The following SH3GLB1 variants were observed in gnomAD, a reference collection of about 807,000 sequenced individuals.
SH3GLB1 encodes the protein SH3 domain containing GRB2 like, endophilin B1.
Under a neutral mutation model 42.0 loss-of-function variants are expected in SH3GLB1, and 17 were observed. The observed-to-expected ratio is 0.40, with a 90% CI of 0.28 to 0.61. SH3GLB1 has a LOEUF of 0.61. Among genes scored for constraint, SH3GLB1 ranks in the 20% least tolerant of loss-of-function variants. SH3GLB1 has a pLI of 0.36. For synonymous variants in SH3GLB1, 132 were observed against 146.6 expected (o/e 0.90, Z 0.72); for missense variants, 355 against 426.3 (o/e 0.83, Z 1.47).
In SH3GLB1 at chr1:86,742,237, A is replaced by G. The variant is rs533090731; in HGVS notation, c.791A>G (p.Asn264Ser). ...SFPSNYLSNN[N>S]QTSVTPVPSV... ...CCATCCAATTATCTTAGTAACAACA[A>G]TCAGACTTCTGTGACACCTGTACCA... The change falls in exon 8 of 9, where the codon AAT (asparagine) becomes AGT (serine). Residue 264 changes from asparagine to serine, a missense_variant. By Grantham distance (46) the Asn-to-Ser change is conservative. Transcript: ENST00000370558. 3 of 1,614,126 alleles carry G rather than the reference A, an allele frequency of 1.9e-6. No homozygotes were observed. Among genetic ancestry groups the G allele is most frequent in the East Asian group, 2.2e-5 (1 of 44,878 alleles).
chr1:86,731,532 G>C (rs1185097779), intron 5 of SH3GLB1, among the ~76,000 whole-genome samples: 1 of 152,112 alleles, frequency 6.6e-6, no homozygotes, highest in African/African-American at 2.4e-5. Context: ...AAAAGGGGCA[G>C]AGCAACACAG....
In SH3GLB1 at chr1:86,735,060, C is replaced by T. The variant is rs758335759; in HGVS notation, c.661-19C>T. 6.3e-7 allele frequency: 1 copy of T among 1,591,290 alleles called. No homozygotes were observed. Among genetic ancestry groups the T allele is most frequent in the East Asian group, 2.2e-5 (1 of 44,706 alleles). ...AGTTGACTATACAGCTAAGAACTAA[C>T]TATAATTTTCCTTCACAGGCCCATC... On this transcript the variant is annotated intron_variant, in intron 6 of 8. Coordinates refer to ENST00000370558, the MANE Select transcript of SH3GLB1 (RefSeq NM_016009.5).
At chr1:86,714,504 C>T (rs1310449773) in intron 1 of SH3GLB1, among the ~76,000 whole-genome samples, 1 of 152,116 alleles carries the variant, frequency 6.6e-6, no homozygotes, top group Non-Finnish European at 1.5e-5. Context: ...TTATTTCTAG[C>T]CCCTAAACAG....
rs546156901 is a variant in SH3GLB1, at chr1:86,736,685, T to TG, written c.761+1507dup. Reference sequence around the variant, plus strand: ...GGCCATTTAAACAAAATCCAGTTGTTGCGTTATTACTGCTCTTTGAGATAA... The same window carrying TG: ...GGCCATTTAAACAAAATCCAGTTGTTGGCGTTATTACTGCTCTTTGAGATAA... On this transcript the variant is annotated intron_variant, in intron 7 of 8. Transcript: ENST00000370558. 1.8e-3 allele frequency among the ~76,000 whole-genome samples: 268 copies of TG among 152,312 alleles called. 6 individuals are homozygous for TG. Among genetic ancestry groups the TG allele is most frequent in the Non-Finnish European group, 6.9e-4 (47 of 68,026 alleles).
Position 86,737,969 on chromosome 1 carries a change from A to T in SH3GLB1, c.761+2790A>T, listed in dbSNP as rs1370666446. Among the ~76,000 whole-genome samples the T allele has an allele frequency of 2.0e-5, 3 of 152,212 alleles. No homozygotes were observed. In the East Asian group the frequency reaches 5.8e-4, roughly 29 times the overall value. On this transcript the variant is annotated intron_variant, in intron 7 of 8. Transcript: ENST00000370558. ...GACGAGTAGAGGAAACGGGGAGCCA[A>T]AACATATAGGGCTTCGACTTTGGTC...
At chr1:86,733,502 TA>T (rs1186173967) in intron 5 of SH3GLB1, among the ~76,000 whole-genome samples, 1 of 152,194 alleles carries the variant, frequency 6.6e-6, no homozygotes, top group African/African-American at 2.4e-5. Flanking sequence ...TGGAAAATGC[TA>T]TTTGTGCTGG....
intron 5 of SH3GLB1, chr1:86,730,334 A>T: frequency 5.1e-6 from 5 of 985,352 alleles, no homozygotes; most frequent in Non-Finnish European, 6.0e-6. Context: ...ACACTGATAA[A>T]TCTTGGATAC....
At position 86,747,116 on chromosome 1, in the gene SH3GLB1, T is replaced by C. The variant is rs1245187948; in HGVS notation, c.*3881T>C. The C allele has an allele frequency of 6.6e-6, 1 of 152,652 alleles. No homozygotes were observed. Among genetic ancestry groups the C allele is most frequent in the Non-Finnish European group, 1.5e-5 (1 of 68,046 alleles). The allele number at this position is 152,652 out of a possible 1,614,324, so 9.5% of individuals were successfully genotyped here. ...AATCTTAATTGTGTTCTAGCAGTAG[T>C]CATTGTAATTATAGTTATTTTTATA... On this transcript the variant is annotated 3_prime_UTR_variant, in exon 9 of 9. Transcript: ENST00000370558.
At chr1:86,715,596 A>G (rs1329829800) in intron 1 of SH3GLB1, 128 bp from the exon 2 acceptor site, 8 of 972,500 alleles carry the variant, frequency 8.2e-6, no homozygotes, top group Non-Finnish European at 1.2e-5. Context: ...GCAATGGCTT[A>G]CAAAGCTGGA....
intron 1 of SH3GLB1, among the ~76,000 whole-genome samples, chr1:86,713,279 G>T (rs1654319993): frequency 6.6e-6 from 1 of 151,726 alleles, no homozygotes; most frequent in Non-Finnish European, 1.5e-5. Flanking sequence ...ACGTGGTTTC[G>T]CCATGTTGCC....
chr1:86,704,926 G>A lies in SH3GLB1; in HGVS notation c.27G>A (p.Lys9=), dbSNP rs1271100489. 1.3e-6 allele frequency: 2 copies of A among 1,585,860 alleles called. No individual in the cohort carries two copies. Among genetic ancestry groups the A allele is most frequent in the East Asian group, 4.9e-5 (2 of 41,138 alleles). The part of the protein sequence containing the change: MNIMDFNV[K]KLAADAGTFL... ...TGAATATCATGGACTTCAACGTGAAGAAGCTGGCGGCCGACGCAGGCACCT... is the reference window on the plus strand; with the variant it reads ...TGAATATCATGGACTTCAACGTGAAAAAGCTGGCGGCCGACGCAGGCACCT... The change falls in exon 1 of 9, where the codon AAG becomes AAA. Residue 9 remains lysine, a synonymous_variant. Coordinates refer to ENST00000370558, the MANE Select transcript of SH3GLB1 (RefSeq NM_016009.5).
Position 86,745,000 on chromosome 1 carries a change from G to A in SH3GLB1, c.*1765G>A, listed in dbSNP as rs1656233212. On this transcript the variant is annotated 3_prime_UTR_variant, in exon 9 of 9. Transcript: ENST00000370558. ...CAGAAAGGAAGTTCTACAGCCTAGA[G>A]TACCATCTATTGTGTTTTATAAGTC... is the stretch of plus-strand genomic sequence containing the variant. The A allele has an allele frequency of 6.6e-6, 1 of 152,180 alleles. No individual in the cohort carries two copies. Among genetic ancestry groups the A allele is most frequent in the South Asian group, 2.1e-4 (1 of 4,832 alleles). The allele number at this position is 152,180 out of a possible 1,614,324, so 9.4% of individuals were successfully genotyped here.
chr1:86,704,849 C>A lies in SH3GLB1; in HGVS notation c.-51C>A. 1 of 1,372,788 alleles carries A rather than the reference C, an allele frequency of 7.3e-7. No homozygotes were observed. The highest frequency in any genetic ancestry group is 1.0e-6 in the Non-Finnish European group (1 of 1,004,390). 85.0% of individuals were successfully genotyped at this position (1,372,788 alleles called of 1,614,324 possible). ...CTGCGCCCCAGCCCGGCCGCGGCAC[C>A]TCCGCCTCGCCGCCGCTAGGTCGGC... On this transcript the variant is annotated 5_prime_UTR_variant, in exon 1 of 9. Transcript: ENST00000370558.
chr1:86,705,251 C>A (rs991483332), intron 1 of SH3GLB1, among the ~76,000 whole-genome samples: 2 of 152,180 alleles, frequency 1.3e-5, no homozygotes, highest in African/African-American at 2.4e-5. Context: ...GCACTGTCCG[C>A]CTTTCTGATA....
At chr1:86,736,239 A>G (rs567171285) in intron 7 of SH3GLB1, among the ~76,000 whole-genome samples, 4 of 152,174 alleles carry the variant, frequency 2.6e-5, no homozygotes, top group South Asian at 4.1e-4. Flanking sequence ...TTGAGGAACC[A>G]TTAAAGCAGG....
At chr1:86,712,017 A>C (rs1416296385) in intron 1 of SH3GLB1, among the ~76,000 whole-genome samples, 2 of 152,136 alleles carry the variant, frequency 1.3e-5, no homozygotes, top group Non-Finnish European at 2.9e-5. Context: ...TGTTATCTTA[A>C]TAAAGTGTAC....
chr1:86,730,676 T>TTTTTAGTAGCGGCA lies in SH3GLB1; in HGVS notation c.571-3926_571-3925insTTTTAGTAGCGGCA, dbSNP rs567327368. On this transcript the variant is annotated intron_variant, in intron 5 of 8. Coordinates refer to ENST00000370558, the MANE Select transcript of SH3GLB1 (RefSeq NM_016009.5). ...CACCACGCCTGGCTAATTTTTTGTA[T>TTTTTAGTAGCGGCA]GTTTAGTAGCGGCAGTTTTTTCACC... 2.4e-3 allele frequency among the ~76,000 whole-genome samples: 358 copies of TTTTTAGTAGCGGCA among 152,186 alleles called. 3 individuals are homozygous for TTTTTAGTAGCGGCA. The highest frequency in any genetic ancestry group is 8.2e-3 in the African/African-American group (340 of 41,524).
At chr1:86,728,531 C>T (rs952797409) in intron 5 of SH3GLB1, 6 of 1,201,884 alleles carry the variant, frequency 5.0e-6, no homozygotes, top group East Asian at 2.7e-5. Flanking sequence ...GAATAAAGTG[C>T]CTTCTCTTGC....
In SH3GLB1 at chr1:86,723,011, G is replaced by A. The variant is rs187913215; in HGVS notation, c.477+338G>A. Among the ~76,000 whole-genome samples the A allele has an allele frequency of 5.3e-5, 8 of 152,122 alleles. No homozygotes were observed. In the East Asian group the frequency reaches 1.5e-3, roughly 29 times the overall value. ...TACCGTGTAGCTCTTCATTTTTTAGGATTTTAACTTATTTTCTTAGTGATA... is the reference window on the plus strand; with the variant it reads ...TACCGTGTAGCTCTTCATTTTTTAGAATTTTAACTTATTTTCTTAGTGATA... On this transcript the variant is annotated intron_variant, in intron 4 of 8. Coordinates refer to ENST00000370558, the MANE Select transcript of SH3GLB1 (RefSeq NM_016009.5).
Sources: allele counts gnomAD v4.1 joint callset (sites outside exome capture counted in the v4.1 genomes callset), GRCh38; gene constraint gnomAD v4.1.1; transcripts MANE v1.5; gene names NCBI Gene and HGNC (gene_info 2026-07-23, HGNC 2026-07-21).